CSGALNACT1: variants seen among roughly 807,000 people sequenced by gnomAD.
The protein encoded by CSGALNACT1 is chondroitin sulfate N-acetylgalactosaminyltransferase 1.
CSGALNACT1 carries 52 observed loss-of-function variants against 51.0 expected under a neutral mutation model. The ratio of observed to expected loss-of-function variants is 1.02; its 90% CI spans 0.82 to 1.29. The LOEUF is 1.29. CSGALNACT1 is among the 50% of genes most tolerant of loss of function. The pLI, the probability that CSGALNACT1 is intolerant of heterozygous loss-of-function variation, is 0.00. For missense variants in CSGALNACT1, 935 were observed against 679.2 expected (o/e 1.38, Z -4.19); for synonymous variants, 341 against 254.4 (o/e 1.34, Z -3.24).
At chr8:19,425,523 C>G (rs2058641764) in intron 6 of CSGALNACT1, among the ~76,000 whole-genome samples, 1 of 152,140 alleles carries the variant, frequency 6.6e-6, no homozygotes, top group South Asian at 2.1e-4. Flanking sequence ...TTCCTCTGTT[C>G]CCTCTTTTTG....
chr8:19,551,411 T>A (rs7009836), intron 3 of CSGALNACT1, among the ~76,000 whole-genome samples: 48,363 of 151,884 alleles, frequency 0.32, 8,470 homozygotes, highest in African/African-American at 0.48. Context: ...CAAGCCAATC[T>A]CTGTGCAGAC....
chr8:19,723,313 G>A (rs7823121), intron 1 of CSGALNACT1, among the ~76,000 whole-genome samples: 23,780 of 152,174 alleles, frequency 0.16, 2,085 homozygotes, highest in African/African-American at 0.22. Flanking sequence ...ACGTGCTAAC[G>A]AAAGACAAGT....
chr8:19,653,903 T>C (rs1208243346), intron 1 of CSGALNACT1, among the ~76,000 whole-genome samples: 1 of 152,178 alleles, frequency 6.6e-6, no homozygotes, highest in Non-Finnish European at 1.5e-5. Flanking sequence ...TCATAAAGTA[T>C]AGGAGGATGA....
chr8:19,711,066 T>C (rs1057254626), intron 1 of CSGALNACT1, among the ~76,000 whole-genome samples: 41 of 152,302 alleles, frequency 2.7e-4, no homozygotes, highest in African/African-American at 9.9e-4. Flanking sequence ...CTTTACATAT[T>C]CATTTTTTTC....
intron 3 of CSGALNACT1, among the ~76,000 whole-genome samples, chr8:19,509,459 A>C (rs2078025428): frequency 6.6e-6 from 1 of 151,942 alleles, no homozygotes. Flanking sequence ...CCTCTACTAA[A>C]AATACAAAAA....
At position 19,546,167 on chromosome 8, in the gene CSGALNACT1, G is replaced by C. The variant is rs78938159; in HGVS notation, c.-296-40037C>G. Among the ~76,000 whole-genome samples, 115 of 152,226 alleles carry C rather than the reference G, an allele frequency of 7.6e-4. 1 individual carries two copies. The highest frequency in any genetic ancestry group is 1.4e-3 in the Non-Finnish European group (98 of 68,014). ...TAGATATATGCAGATAAATTCAGCA[G>C]AATATATTTTTAGTATGCTTTGCCC... is the stretch of plus-strand genomic sequence containing the variant. On this transcript the variant is annotated intron_variant, in intron 3 of 9. Transcript: ENST00000454498.
At chr8:19,449,979 C>T (rs2062806695) in intron 5 of CSGALNACT1, among the ~76,000 whole-genome samples, 1 of 145,126 alleles carries the variant, frequency 6.9e-6, no homozygotes, top group South Asian at 2.2e-4. Context: ...GGCTTAAAAT[C>T]TAGAATATGG....
At position 19,551,319 on chromosome 8, in the gene CSGALNACT1, C is replaced by G. The variant is rs1313615039; in HGVS notation, c.-297+39841G>C. On this transcript the variant is annotated intron_variant, in intron 3 of 9. Transcript: ENST00000454498. ...ACTCCACCTTCAGATCATGCTCATTCCACCATTTTCTGAGCAAGCAGCCCA... is the reference window on the plus strand; with the variant it reads ...ACTCCACCTTCAGATCATGCTCATTGCACCATTTTCTGAGCAAGCAGCCCA... Among the ~76,000 whole-genome samples, 8 of 152,124 alleles carry G rather than the reference C, an allele frequency of 5.3e-5. 1 individual carries two copies. Among genetic ancestry groups the G allele is most frequent in the African/African-American group, 1.9e-4 (8 of 41,420 alleles).
intron 1 of CSGALNACT1, among the ~76,000 whole-genome samples, chr8:19,657,550 A>G (rs1395817382): frequency 3.9e-5 from 6 of 152,240 alleles, no homozygotes; most frequent in Admixed American, 1.3e-4. Context: ...GATTATCTTT[A>G]AAGGAACAAC....
chr8:19,536,688 A>G (rs2083820045), intron 3 of CSGALNACT1, among the ~76,000 whole-genome samples: 1 of 152,362 alleles, frequency 6.6e-6, no homozygotes, highest in South Asian at 2.1e-4. Context: ...AGAAAGCAAA[A>G]GAGCTAGAAC....
At chr8:19,417,013 G>T (rs894303393) in intron 8 of CSGALNACT1, among the ~76,000 whole-genome samples, 1 of 152,022 alleles carries the variant, frequency 6.6e-6, no homozygotes, top group African/African-American at 2.4e-5. Flanking sequence ...GTGCCACTAT[G>T]CACGCCTAAT....
intron 3 of CSGALNACT1, among the ~76,000 whole-genome samples, chr8:19,579,197 A>C (rs1195060524): frequency 6.6e-6 from 1 of 152,212 alleles, no homozygotes; most frequent in Admixed American, 6.5e-5. Flanking sequence ...AGCATGGACT[A>C]AAAGGCCCAC....
intron 1 of CSGALNACT1, among the ~76,000 whole-genome samples, chr8:19,650,109 C>G (rs561441447): frequency 4.6e-5 from 7 of 152,104 alleles, no homozygotes; most frequent in Admixed American, 4.6e-4. Context: ...TTCAGTTGCT[C>G]TGGGGTGAGA....
intron 4 of CSGALNACT1, among the ~76,000 whole-genome samples, chr8:19,489,035 G>T (rs1009507145): frequency 6.6e-6 from 1 of 152,164 alleles, no homozygotes; most frequent in Non-Finnish European, 1.5e-5. Context: ...GGCAAAAGAT[G>T]TATCTCCTAC....
chr8:19,499,172 T>G (rs955520275), intron 4 of CSGALNACT1, among the ~76,000 whole-genome samples: 2 of 152,206 alleles, frequency 1.3e-5, no homozygotes, highest in African/African-American at 4.8e-5. Flanking sequence ...CCAAATCCTC[T>G]GACCGACCCA....
chr8:19,490,436 A>T (rs991717504), intron 4 of CSGALNACT1, among the ~76,000 whole-genome samples: 1 of 152,192 alleles, frequency 6.6e-6, no homozygotes, highest in South Asian at 2.1e-4. Context: ...GAAAACTCCT[A>T]TTCATCTCCT....
intron 1 of CSGALNACT1, among the ~76,000 whole-genome samples, chr8:19,667,671 T>TC (rs148798507): frequency 0.061 from 9,329 of 152,244 alleles, 331 homozygotes; most frequent in African/African-American, 0.1. Flanking sequence ...GACTAACGTC[T>TC]CTTCCTCAGA....
chr8:19,556,435 T>C (rs1477808172), intron 3 of CSGALNACT1, among the ~76,000 whole-genome samples: 3 of 151,978 alleles, frequency 2.0e-5, no homozygotes, highest in African/African-American at 7.2e-5. Flanking sequence ...TACTTTAACA[T>C]CTGTTCCTTT....
At chr8:19,439,915 G>C (rs1266516830) in exon 6 of CSGALNACT1, 1 of 1,613,904 alleles carries the variant, frequency 6.2e-7, no homozygotes, top group East Asian at 2.2e-5. Context: ...CTCCCATCCT[G>C]CTCAATGCAC....
Sources: gnomAD v4.1 joint callset for allele counts (sites outside exome capture counted in the v4.1 genomes callset) on GRCh38, gnomAD v4.1.1 for gene constraint, MANE v1.5 for transcripts, NCBI Gene and HGNC (gene_info 2026-07-23, HGNC 2026-07-21) for gene names.